The following ATF7IP2 variants were observed in gnomAD, a reference collection of about 807,000 sequenced individuals.
The protein encoded by ATF7IP2 is activating transcription factor 7 interacting protein 2, also known as activating transcription factor 7-interacting protein 2.
A neutral mutation model predicts 64.2 loss-of-function variants in ATF7IP2; 42 were observed. The ratio of observed to expected loss-of-function variants is 0.65; its 90% CI spans 0.51 to 0.85. The LOEUF (loss-of-function observed/expected upper bound fraction) is 0.85. ATF7IP2 is among the 40% of genes least tolerant of loss of function. ATF7IP2 has a pLI of 0.00. For missense variants in ATF7IP2, 933 were observed against 784.2 expected, an observed-to-expected ratio of 1.19 and a Z score of -2.27; for synonymous variants, 308 against 272.8, an observed-to-expected ratio of 1.13 and a Z score of -1.27.
At chr16:10,403,799 A>T (rs566766037) in intron 1 of ATF7IP2, among the ~76,000 whole-genome samples, 20 of 152,326 alleles carry the variant, frequency 1.3e-4, no homozygotes, top group African/African-American at 4.6e-4. Flanking sequence ...GCAATGAAAA[A>T]TTCATTGAAG....
chr16:10,466,648 ATCT>A (rs1353534316), intron 9 of ATF7IP2, among the ~76,000 whole-genome samples: 1 of 152,218 alleles, frequency 6.6e-6, no homozygotes, highest in Admixed American at 6.5e-5. Context: ...CCATTTGGAT[ATCT>A]TCTTTTATGA....
chr16:10,474,461 G>A (rs1035476591), intron 12 of ATF7IP2, among the ~76,000 whole-genome samples: 2 of 152,002 alleles, frequency 1.3e-5, no homozygotes, highest in Admixed American at 1.3e-4. Context: ...TTTTCTTCCT[G>A]TGGTACATAC....
intron 7 of ATF7IP2, among the ~76,000 whole-genome samples, chr16:10,438,502 C>G (rs1044246506): frequency 6.6e-6 from 1 of 151,802 alleles, no homozygotes; most frequent in African/African-American, 2.4e-5. Context: ...ATTCTCTAGC[C>G]TCAGCCTCCC....
intron 7 of ATF7IP2, among the ~76,000 whole-genome samples, chr16:10,439,086 C>T (rs1042216597): frequency 6.7e-6 from 1 of 149,324 alleles, no homozygotes; most frequent in Non-Finnish European, 1.5e-5. Flanking sequence ...TTCTTTTAAA[C>T]CTAAATATAT....
chr16:10,451,042 T>A (rs574572483), intron 8 of ATF7IP2, among the ~76,000 whole-genome samples: 1 of 152,362 alleles, frequency 6.6e-6, no homozygotes, highest in African/African-American at 2.4e-5. Context: ...TTGGCTTGTC[T>A]GTAAAGGATT....
At chr16:10,390,589 C>G (rs1282367819) in intron 1 of ATF7IP2, among the ~76,000 whole-genome samples, 1 of 152,080 alleles carries the variant, frequency 6.6e-6, no homozygotes, top group East Asian at 1.9e-4. Flanking sequence ...TGAGACCCAC[C>G]TGGGTAACAT....
intron 2 of ATF7IP2, among the ~76,000 whole-genome samples, chr16:10,417,863 T>C (rs2047910390): frequency 6.6e-6 from 1 of 152,212 alleles, no homozygotes; most frequent in African/African-American, 2.4e-5. Flanking sequence ...CACCTTCTCA[T>C]TTAAAGTCAA....
At chr16:10,400,774 T>G (rs535871894) in intron 1 of ATF7IP2, among the ~76,000 whole-genome samples, 19 of 152,248 alleles carry the variant, frequency 1.2e-4, no homozygotes, top group African/African-American at 4.6e-4. Context: ...CTCCATCTCT[T>G]GGGTTCAAGT....
chr16:10,458,430 A>T (rs1374743410), intron 9 of ATF7IP2, among the ~76,000 whole-genome samples: 1 of 152,214 alleles, frequency 6.6e-6, no homozygotes, highest in African/African-American at 2.4e-5. Context: ...AGCACTTCAT[A>T]GAAAAATATA....
chr16:10,407,561 C>G (rs2047668637), intron 1 of ATF7IP2, among the ~76,000 whole-genome samples: 1 of 152,038 alleles, frequency 6.6e-6, no homozygotes, highest in Admixed American at 6.5e-5. Flanking sequence ...AAATTCAGTA[C>G]CATTTCTATA....
chr16:10,476,395 C>CTTAA (rs904189000), intron 12 of ATF7IP2, among the ~76,000 whole-genome samples: 17 of 152,102 alleles, frequency 1.1e-4, no homozygotes, highest in Non-Finnish European at 1.6e-4. Flanking sequence ...GTTTTTACTG[C>CTTAA]TTAATTCTGG....
rs2049211273 is a variant in ATF7IP2 at position 10,457,446 on chromosome 16, G to T, written c.1269G>T (p.Val423=). The T allele has an allele frequency of 6.2e-7, 1 of 1,606,668 alleles. No homozygotes were observed. Among genetic ancestry groups the T allele is most frequent in the African/African-American group, 1.3e-5 (1 of 74,758 alleles). The change falls in exon 9 of 14, where the codon GTG becomes GTT. Residue 423 remains valine (V), a synonymous_variant. Coordinates refer to ENST00000562102, the MANE Select transcript of ATF7IP2 (RefSeq NM_001393719.1). ...ATAGTCCAATTGAAAAGTCTTCTGT[G>T]AATTATGAGCCTTCTAACCCTTCCG... ...SVNSPIEKSS[V]NYEPSNPSEK... is the part of the protein sequence containing the mutation.
intron 1 of ATF7IP2, among the ~76,000 whole-genome samples, chr16:10,411,810 A>G (rs1253555507): frequency 6.6e-6 from 1 of 151,000 alleles, no homozygotes; most frequent in African/African-American, 2.4e-5. Context: ...TCTAGTTTAT[A>G]TGCATAAAGG....
At chr16:10,463,351 C>A (rs1486045175) in intron 9 of ATF7IP2, among the ~76,000 whole-genome samples, 1 of 152,166 alleles carries the variant, frequency 6.6e-6, no homozygotes, top group African/African-American at 2.4e-5. Flanking sequence ...AAATGTGAAG[C>A]CTAATTTCCA....
chr16:10,409,812 C>T (rs2047716777), intron 1 of ATF7IP2, among the ~76,000 whole-genome samples: 1 of 152,218 alleles, frequency 6.6e-6, no homozygotes, highest in Non-Finnish European at 1.5e-5. Context: ...CCAGTTATCC[C>T]AACACCATGT....
intron 1 of ATF7IP2, chr16:10,386,898 G>A (rs2047213917): frequency 6.6e-6 from 1 of 152,168 alleles, no homozygotes; most frequent in African/African-American, 2.4e-5. Flanking sequence ...CGCACTTAAG[G>A]AAACGGACTT....
chr16:10,478,709 G>A (rs2050100309), intron 12 of ATF7IP2, among the ~76,000 whole-genome samples: 2 of 152,302 alleles, frequency 1.3e-5, no homozygotes, highest in African/African-American at 4.8e-5. Flanking sequence ...CCATCAGAGT[G>A]AACAGGCAAC....
At chr16:10,465,555 C>T (rs972633844) in intron 9 of ATF7IP2, among the ~76,000 whole-genome samples, 5 of 150,974 alleles carry the variant, frequency 3.3e-5, no homozygotes, top group Non-Finnish European at 7.4e-5. Context: ...CTGGGCAACA[C>T]GGTGAAACCC....
chr16:10,428,271 C>T (rs1451251053), intron 3 of ATF7IP2, among the ~76,000 whole-genome samples: 2 of 152,114 alleles, frequency 1.3e-5, no homozygotes, highest in Non-Finnish European at 2.9e-5. Flanking sequence ...TTGTAATTAA[C>T]ACATATTACA....
Sources: allele counts gnomAD v4.1 joint callset (sites outside exome capture counted in the v4.1 genomes callset), GRCh38; gene constraint gnomAD v4.1.1; transcripts MANE v1.5; gene names NCBI Gene and HGNC (gene_info 2026-07-23, HGNC 2026-07-21).